Variants in CCDC191 observed in about 807,000 individuals in gnomAD.
CCDC191 encodes the protein coiled-coil domain-containing protein 191.
Under a neutral mutation model 114.0 loss-of-function variants are expected in CCDC191, and 99 were observed. The ratio of observed to expected loss-of-function variants is 0.87; its 90% CI spans 0.74 to 1.03. The LOEUF (loss-of-function observed/expected upper bound fraction) is 1.03, where lower values mean the gene tolerates loss of function less well. Ranked by LOEUF, CCDC191 falls within the 50% of genes least tolerant of loss-of-function variation. The pLI, the probability that CCDC191 is intolerant of heterozygous loss-of-function variation, is 0.00. For missense variants in CCDC191, 973 were observed against 1,087.0 expected, an observed-to-expected ratio of 0.90 and a Z score of 1.47; for synonymous variants, 351 against 376.0, an observed-to-expected ratio of 0.93 and a Z score of 0.77.
chr3:113,988,156 A>G (rs574422957), intron 13 of CCDC191, among the ~76,000 whole-genome samples: 1 of 151,884 alleles, frequency 6.6e-6, no homozygotes, highest in Non-Finnish European at 1.5e-5. Context: ...AGAAAAACAA[A>G]GAATAAGTAC....
intron 9 of CCDC191, among the ~76,000 whole-genome samples, chr3:114,010,045 TGAGAACTACTATTGCAGAA>T (rs2076042302): frequency 6.6e-6 from 1 of 152,154 alleles, no homozygotes; most frequent in South Asian, 2.1e-4. Flanking sequence ...TACTCTCAGT[TGAGAACTACTATTGCAGAA>T]GTGTATGTAA....
At chr3:114,016,039 G>A (rs11920415) in intron 8 of CCDC191, among the ~76,000 whole-genome samples, 1,769 of 152,300 alleles carry the variant, frequency 0.012, 20 homozygotes, top group African/African-American at 0.039. Flanking sequence ...CCACAAGTCT[G>A]GGCCCTTCAT....
chr3:113,999,424 A>G (rs1274957433), intron 13 of CCDC191, among the ~76,000 whole-genome samples: 1 of 152,310 alleles, frequency 6.6e-6, no homozygotes. Context: ...GGGAAACTGA[A>G]CTACTACTCT....
At chr3:114,052,908 C>T (rs1268101806) in intron 2 of CCDC191, among the ~76,000 whole-genome samples, 3 of 152,104 alleles carry the variant, frequency 2.0e-5, no homozygotes, top group African/African-American at 4.8e-5. Flanking sequence ...ACATGTGGTA[C>T]ACGATGAATT....
Position 114,031,780 on chromosome 3 carries a change from C to G in CCDC191, c.819-1G>C, listed in dbSNP as rs762023915. 1.6e-6 allele frequency: 2 copies of G among 1,261,398 alleles called. No homozygotes were observed. Among genetic ancestry groups the G allele is most frequent in the Non-Finnish European group, 2.3e-6 (2 of 883,548 alleles). 78.1% of individuals were successfully genotyped at this position (1,261,398 alleles called of 1,614,324 possible). ...ATTCTCTTCTTGCCTTTTCTTCTCTCTATTAATAACAATTTAAAAATACAT... is the reference window on the plus strand; with the variant it reads ...ATTCTCTTCTTGCCTTTTCTTCTCTGTATTAATAACAATTTAAAAATACAT... On this transcript the variant is annotated splice_acceptor_variant, in intron 6 of 16. Transcript: ENST00000295878. LOFTEE classifies it high-confidence loss of function.
At chr3:114,023,710 A>G (rs2076277046) in intron 7 of CCDC191, among the ~76,000 whole-genome samples, 1 of 152,184 alleles carries the variant, frequency 6.6e-6, no homozygotes, top group Non-Finnish European at 1.5e-5. Flanking sequence ...TTAATTCAAG[A>G]TGGATTAAAG....
chr3:113,981,602 A>G (rs1366835302), intron 13 of CCDC191, among the ~76,000 whole-genome samples: 1 of 152,166 alleles, frequency 6.6e-6, no homozygotes, highest in Non-Finnish European at 1.5e-5. Flanking sequence ...CAGCATAAAT[A>G]CAAAAACATT....
At chr3:114,012,071 C>T (rs2076079348) in intron 8 of CCDC191, among the ~76,000 whole-genome samples, 1 of 152,122 alleles carries the variant, frequency 6.6e-6, no homozygotes, top group Admixed American at 6.5e-5. Flanking sequence ...TCCTCATGGA[C>T]TCTTTGGGGT....
At chr3:114,052,639 T>C (rs1559937645) in intron 2 of CCDC191, among the ~76,000 whole-genome samples, 1 of 152,248 alleles carries the variant, frequency 6.6e-6, no homozygotes, top group Non-Finnish European at 1.5e-5. Flanking sequence ...TATTCTCCAC[T>C]GGACTGTAAA....
At chr3:113,990,931 C>CA (rs35483860) in intron 13 of CCDC191, among the ~76,000 whole-genome samples, 2,381 of 46,462 alleles carry the variant, frequency 0.051, 22 homozygotes, top group Non-Finnish European at 0.059. Context: ...TAAAGCACCT[C>CA]AAAAAAAAAA....
chr3:114,045,816 G>C (rs1001995866), intron 3 of CCDC191, among the ~76,000 whole-genome samples: 6 of 152,080 alleles, frequency 3.9e-5, no homozygotes, highest in Non-Finnish European at 8.8e-5. Flanking sequence ...CTTGCTCCTT[G>C]CTGACTCAGG....
rs1381470739 is a variant in CCDC191, at chr3:113,996,378, T to C, written c.2163+5217A>G. On this transcript the variant is annotated intron_variant, in intron 13 of 16. Transcript: ENST00000295878. ...TATTAAATAGGGAATCCTTTCCCCA[T>C]TGCTTGTTTTTATCAGGTTTGTTAA... 2.0e-5 allele frequency among the ~76,000 whole-genome samples: 3 copies of C among 152,212 alleles called. No individual in the cohort carries two copies. The East Asian group carries it at 5.8e-4, about 29-fold the overall frequency.
At chr3:114,016,020 G>C (rs137970791) in intron 8 of CCDC191, among the ~76,000 whole-genome samples, 3 of 152,184 alleles carry the variant, frequency 2.0e-5, no homozygotes, top group African/African-American at 7.2e-5. Context: ...AGGGGCAAAA[G>C]AAAAAAGCCC....
In CCDC191 at chr3:113,998,503, C is replaced by T. The variant is rs574342008; in HGVS notation, c.2163+3092G>A. ...GATGATCCTGACCTCCTGAGATCGC[C>T]CAATGGGCTCATAAACAAAATGGCC... On this transcript the variant is annotated intron_variant, in intron 13 of 16. Transcript: ENST00000295878. Among the ~76,000 whole-genome samples, 3 of 152,104 alleles carry T rather than the reference C, an allele frequency of 2.0e-5. No homozygotes were observed. The East Asian group carries it at 5.8e-4, about 29-fold the overall frequency.
chr3:114,022,810 T>G (rs1469734428), intron 7 of CCDC191, among the ~76,000 whole-genome samples: 2 of 151,932 alleles, frequency 1.3e-5, no homozygotes, highest in Non-Finnish European at 2.9e-5. Flanking sequence ...GAAAAAAAAT[T>G]AATAAAAAAT....
At chr3:114,046,513 C>T in intron 3 of CCDC191, 78 bp downstream of exon 3, 1 of 910,024 alleles carries the variant, frequency 1.1e-6, no homozygotes, top group South Asian at 1.4e-5. Flanking sequence ...AAGAAAACTT[C>T]CATTCTCTAC....
chr3:114,046,839 C>G lies in CCDC191; in HGVS notation c.130-107G>C, dbSNP rs60339770. 7,847 of 1,401,834 alleles carry G rather than the reference C, an allele frequency of 5.6e-3. 385 individuals are homozygous for G. The African/African-American group carries it at 0.1, about 18-fold the overall frequency. The allele number at this position is 1,401,834 out of a possible 1,614,324, so 86.8% of individuals were successfully genotyped here. ...TGATTTTCTACCACCTACTAAGATT[C>G]GTTCATTTTTCCATTTTTGGAGAAA... On this transcript the variant is annotated intron_variant, in intron 2 of 16. Coordinates refer to ENST00000295878, the MANE Select transcript of CCDC191 (RefSeq NM_020817.2).
intron 9 of CCDC191, among the ~76,000 whole-genome samples, chr3:114,006,587 G>GATAGATATATAT (rs2075963752): frequency 1.2e-5 from 1 of 82,620 alleles, no homozygotes; most frequent in South Asian, 4.2e-4. Flanking sequence ...GGTTACTCCA[G>GATAGATATATAT]ATATATATAT....
chr3:113,968,956 A>T (rs1235640029), intron 16 of CCDC191, among the ~76,000 whole-genome samples: 45 of 152,158 alleles, frequency 3.0e-4, no homozygotes. Flanking sequence ...TGGCACTAGC[A>T]TCTGTTTCTA....
Sources: gnomAD v4.1 joint callset for allele counts (sites outside exome capture counted in the v4.1 genomes callset) on GRCh38, gnomAD v4.1.1 for gene constraint, MANE v1.5 for transcripts, NCBI Gene and HGNC (gene_info 2026-07-23, HGNC 2026-07-21) for gene names.